The following RASSF6 variants were observed in gnomAD, a reference collection of about 807,000 sequenced individuals.
RASSF6 encodes the protein Ras association domain family member 6, also known as ras association domain-containing protein 6.
A neutral mutation model predicts 44.0 loss-of-function variants in RASSF6; 52 were observed. That is an observed-to-expected ratio of 1.18 (90% CI 0.95 to 1.49). RASSF6 has a LOEUF of 1.49. RASSF6 is among the 40% of genes most tolerant of loss of function. RASSF6 has a pLI of 0.00. For missense variants in RASSF6, 464 were observed against 393.3 expected, an observed-to-expected ratio of 1.18 and a Z score of -1.52; for synonymous variants, 162 against 124.6, an observed-to-expected ratio of 1.30 and a Z score of -2.00.
At chr4:73,589,512 A>T (rs1724360188) in intron 4 of RASSF6, among the ~76,000 whole-genome samples, 1 of 152,146 alleles carries the variant, frequency 6.6e-6, no homozygotes, top group Non-Finnish European at 1.5e-5. Context: ...TGACCCTCGC[A>T]GACGTGACAG....
intron 2 of RASSF6, among the ~76,000 whole-genome samples, chr4:73,605,756 C>T (rs566098718): frequency 2.6e-5 from 4 of 152,224 alleles, no homozygotes; most frequent in Non-Finnish European, 5.9e-5. Context: ...GGATTTTTCC[C>T]TTTTTTCTGC....
intron 5 of RASSF6, among the ~76,000 whole-genome samples, chr4:73,586,918 A>C (rs542346441): frequency 6.6e-6 from 1 of 151,632 alleles, no homozygotes; most frequent in African/African-American, 2.4e-5. Flanking sequence ...TTTGAAAAAA[A>C]AAAAAAGAGA....
intron 4 of RASSF6, among the ~76,000 whole-genome samples, chr4:73,589,274 G>A (rs889910608): frequency 6.6e-6 from 1 of 152,096 alleles, no homozygotes; most frequent in African/African-American, 2.4e-5. Context: ...AAAACTACCA[G>A]GTCCTGACTC....
At chr4:73,620,259 A>C (rs1726614022) in intron 1 of RASSF6, 29 bp downstream of exon 1, 1 of 1,368,806 alleles carries the variant, frequency 7.3e-7, no homozygotes, top group Admixed American at 3.5e-5. Context: ...GTGGATTAGA[A>C]AGTTTTTTTC....
chr4:73,578,130 A>G (rs1326879180), intron 8 of RASSF6, among the ~76,000 whole-genome samples: 1 of 152,002 alleles, frequency 6.6e-6, no homozygotes, highest in Non-Finnish European at 1.5e-5. Context: ...AAAGAACTAC[A>G]TTTTTTATAA....
At chr4:73,597,561 G>A (rs957140434) in intron 3 of RASSF6, among the ~76,000 whole-genome samples, 1 of 152,166 alleles carries the variant, frequency 6.6e-6, no homozygotes, top group Non-Finnish European at 1.5e-5. Context: ...AAGACAGTGT[G>A]TTGATTCCTC....
At chr4:73,612,066 A>G (rs570577766) in intron 1 of RASSF6, among the ~76,000 whole-genome samples, 8 of 152,324 alleles carry the variant, frequency 5.3e-5, no homozygotes, top group African/African-American at 1.9e-4. Flanking sequence ...TGTTTTAGAT[A>G]TATTTCTAGC....
Position 73,585,171 on chromosome 4 carries a change from C to G in RASSF6, c.567+9G>C. On this transcript the variant is annotated intron_variant, in intron 6 of 10. Transcript: ENST00000307439. ...TTATATTACATTAATGGAATTGTAA[C>G]TCACTTACTTCATGGTTATAGAAGT... 1 of 1,567,376 alleles carries G rather than the reference C, an allele frequency of 6.4e-7. No individual in the cohort carries two copies. The highest frequency in any genetic ancestry group is 1.2e-5 in the South Asian group (1 of 83,614).
At chr4:73,593,018 GAT>G (rs1491307646) in intron 4 of RASSF6, among the ~76,000 whole-genome samples, 2 of 64,648 alleles carry the variant, frequency 3.1e-5, no homozygotes, top group African/African-American at 1.2e-4. Context: ...GAGTTGCTGG[GAT>G]TTTTTTTTTT....
In RASSF6 at chr4:73,573,471, G is replaced by A. The variant is rs1169845353; in HGVS notation, c.*2764C>T. On this transcript the variant is annotated 3_prime_UTR_variant, in exon 11 of 11. Coordinates refer to ENST00000307439, the MANE Select transcript of RASSF6 (RefSeq NM_177532.5). ...TTTAAAATAATTTTCTGAACATTTA[G>A]GCTTTTTATTTCCTTTTGTCACAAT... is the stretch of plus-strand genomic sequence containing the variant. 6 of 151,976 alleles carry A rather than the reference G, an allele frequency of 3.9e-5. No homozygotes were observed. In the East Asian group the frequency reaches 7.7e-4, roughly 19 times the overall value. The allele number at this position is 151,976 out of a possible 1,614,324, so 9.4% of individuals were successfully genotyped here. A position where few individuals can be genotyped will look rare whatever the true frequency, so the allele number is the denominator to read the frequency against.
At chr4:73,597,611 C>T (rs1725015278) in intron 3 of RASSF6, among the ~76,000 whole-genome samples, 1 of 152,072 alleles carries the variant, frequency 6.6e-6, no homozygotes, top group Non-Finnish European at 1.5e-5. Flanking sequence ...CCCAGCAATC[C>T]CATTACTGGG....
chr4:73,620,506 A>C (rs1726635263), upstream of RASSF6: 3 of 1,534,936 alleles, frequency 2.0e-6, no homozygotes, highest in African/African-American at 2.8e-5. Flanking sequence ...AGCATGGCTC[A>C]GCTGGGCGCT....
At chr4:73,587,496 A>G (rs781275823) in intron 5 of RASSF6, among the ~76,000 whole-genome samples, 12 of 152,088 alleles carry the variant, frequency 7.9e-5, no homozygotes, top group Non-Finnish European at 1.5e-4. Context: ...GCTATTGGGA[A>G]TAATAAATGA....
At chr4:73,590,990 AT>A (rs1724505164) in intron 4 of RASSF6, among the ~76,000 whole-genome samples, 1 of 152,238 alleles carries the variant, frequency 6.6e-6, no homozygotes, top group Admixed American at 6.5e-5. Context: ...GGAGAGGCAT[AT>A]TACCTTGTCC....
chr4:73,591,070 T>TA (rs1329940119), intron 4 of RASSF6, among the ~76,000 whole-genome samples: 1 of 152,194 alleles, frequency 6.6e-6, no homozygotes, highest in African/African-American at 2.4e-5. Context: ...TTTGAGAAGT[T>TA]AAAAAATATC....
At chr4:73,619,283 A>C (rs958529579) in intron 1 of RASSF6, among the ~76,000 whole-genome samples, 8 of 152,192 alleles carry the variant, frequency 5.3e-5, no homozygotes, top group African/African-American at 1.9e-4. Context: ...AGTAGCAAAT[A>C]TGTCTGAATT....
intron 2 of RASSF6, among the ~76,000 whole-genome samples, chr4:73,598,972 T>C (rs1433993006): frequency 6.6e-6 from 1 of 152,214 alleles, no homozygotes; most frequent in East Asian, 1.9e-4. Flanking sequence ...GAGAACAGTG[T>C]TCTGTAGCAG....
At chr4:73,604,804 C>A (rs979966708) in intron 2 of RASSF6, among the ~76,000 whole-genome samples, 1 of 151,184 alleles carries the variant, frequency 6.6e-6, no homozygotes, top group African/African-American at 2.4e-5. Flanking sequence ...GTAAAGGTAA[C>A]AAATTATTTG....
At chr4:73,609,200 A>AT (rs916486441) in intron 2 of RASSF6, among the ~76,000 whole-genome samples, 5 of 151,958 alleles carry the variant, frequency 3.3e-5, no homozygotes, top group Non-Finnish European at 5.9e-5. Context: ...TTCTCCATTA[A>AT]TTTTTTTTTA....
Sources: gnomAD v4.1 joint callset for allele counts (sites outside exome capture counted in the v4.1 genomes callset) on GRCh38, gnomAD v4.1.1 for gene constraint, MANE v1.5 for transcripts, NCBI Gene and HGNC (gene_info 2026-07-23, HGNC 2026-07-21) for gene names.